COL25A1: variants seen among roughly 807,000 people sequenced by gnomAD.
The protein encoded by COL25A1 is collagen type XXV alpha 1 chain.
Under a neutral mutation model 128.4 loss-of-function variants are expected in COL25A1, and 103 were observed. The observed-to-expected ratio is 0.80, with a 90% CI of 0.68 to 0.94. The LOEUF is 0.94. Ranked by LOEUF, COL25A1 falls within the 40% of genes least tolerant of loss-of-function variation. COL25A1 has a pLI of 0.00. For missense variants in COL25A1, 745 were observed against 840.0 expected (o/e 0.89, Z 1.40); for synonymous variants, 279 against 277.2 (o/e 1.01, Z -0.06).
intron 3 of COL25A1, among the ~76,000 whole-genome samples, chr4:109,148,518 G>A (rs914097870): frequency 7.9e-5 from 12 of 152,142 alleles, no homozygotes; most frequent in African/African-American, 2.2e-4. Flanking sequence ...CTGCTCATCC[G>A]TCACCACGTT....
At chr4:109,029,052 C>A (rs1456710431) in intron 5 of COL25A1, among the ~76,000 whole-genome samples, 1 of 152,080 alleles carries the variant, frequency 6.6e-6, no homozygotes, top group African/African-American at 2.4e-5. Flanking sequence ...GCAACTCTTT[C>A]CAGAGTTTCA....
intron 5 of COL25A1, among the ~76,000 whole-genome samples, chr4:109,033,751 C>G (rs757842640): frequency 3.9e-5 from 6 of 151,910 alleles, no homozygotes; most frequent in Admixed American, 3.3e-4. Context: ...AAAAAAAAAG[C>G]TAATTTATTT....
chr4:109,280,054 T>A (rs911847217), intron 3 of COL25A1, among the ~76,000 whole-genome samples: 20 of 152,220 alleles, frequency 1.3e-4, no homozygotes, highest in African/African-American at 4.8e-4. Context: ...AGGTTTGGCC[T>A]GCACTACCTG....
chr4:109,006,966 C>T (rs373654277), intron 6 of COL25A1, among the ~76,000 whole-genome samples: 1 of 152,126 alleles, frequency 6.6e-6, no homozygotes, highest in Admixed American at 6.6e-5. Context: ...GGGCTTAATA[C>T]CTGGGTGATC....
intron 16 of COL25A1, among the ~76,000 whole-genome samples, chr4:108,891,321 A>G (rs1741469178): frequency 6.6e-6 from 1 of 152,210 alleles, no homozygotes; most frequent in African/African-American, 2.4e-5. Context: ...TTGAAAATTA[A>G]AATGTAACTA....
At chr4:109,073,044 C>T (rs537553403) in intron 3 of COL25A1, among the ~76,000 whole-genome samples, 12 of 152,210 alleles carry the variant, frequency 7.9e-5, no homozygotes, top group South Asian at 2.1e-4. Context: ...TACCATTATT[C>T]CTTCAGTTTC....
intron 3 of COL25A1, among the ~76,000 whole-genome samples, chr4:109,290,457 G>T (rs951335559): frequency 1.3e-5 from 2 of 152,028 alleles, no homozygotes; most frequent in Admixed American, 6.6e-5. Context: ...TTTATGGAAG[G>T]AATTTCTCAA....
rs189046057 is a variant in COL25A1, at chr4:109,288,814, A to C, written c.367+11769T>G. ...CATGGGCCTAGCAGATAAAGTATAT[A>C]AAGTCCAAACTCACAGGAACTGTCT... On this transcript the variant is annotated intron_variant, in intron 3 of 37. Coordinates refer to ENST00000399132, the MANE Select transcript of COL25A1 (RefSeq NM_198721.4). Among the ~76,000 whole-genome samples the C allele has an allele frequency of 2.6e-5, 4 of 152,112 alleles. No individual in the cohort carries two copies. In the South Asian group the frequency reaches 8.3e-4, roughly 31 times the overall value.
chr4:109,213,896 T>C (rs1243146711), intron 3 of COL25A1, among the ~76,000 whole-genome samples: 1 of 152,110 alleles, frequency 6.6e-6, no homozygotes, highest in Non-Finnish European at 1.5e-5. Flanking sequence ...TCAACAGATC[T>C]AAGCTATGAT....
At position 109,081,743 on chromosome 4, in the gene COL25A1, G is replaced by A. The variant is rs567484248; in HGVS notation, c.368-31564C>T. ...TTTTGAGACAGAGTCTCATTCTGTC[G>A]GCCAGGCTGGAATGCAGTGGCACAG... On this transcript the variant is annotated intron_variant, in intron 3 of 37. Coordinates refer to ENST00000399132, the MANE Select transcript of COL25A1 (RefSeq NM_198721.4). 3.3e-5 allele frequency among the ~76,000 whole-genome samples: 5 copies of A among 150,582 alleles called. No individual in the cohort carries two copies. The South Asian group carries it at 6.3e-4, about 19-fold the overall frequency.
chr4:109,153,381 CAAA>C lies in COL25A1; in HGVS notation c.368-103205_368-103203del, dbSNP rs34880736. 3.2e-3 allele frequency among the ~76,000 whole-genome samples: 368 copies of C among 115,938 alleles called. 2 individuals carry two copies. The highest frequency in any genetic ancestry group is 9.3e-3 in the Middle Eastern group (2 of 216). The allele number at this position is 115,938 out of a possible 152,430, so 76.1% of individuals were successfully genotyped here. On this transcript the variant is annotated intron_variant, in intron 3 of 37. Transcript: ENST00000399132. The stretch of plus-strand genomic sequence containing the variant: ...GGGCAACAAGAGTGAAGCTCCATCT[CAAA>C]AAAAAAAAAAAAAAAGTACTCTGTA...
At chr4:108,849,793 G>A (rs911991391) in intron 26 of COL25A1, among the ~76,000 whole-genome samples, 5 of 152,118 alleles carry the variant, frequency 3.3e-5, no homozygotes, top group African/African-American at 1.2e-4. Context: ...AGGCCTGTTT[G>A]GTGATACTAT....
intron 24 of COL25A1, among the ~76,000 whole-genome samples, chr4:108,853,214 T>C (rs1345253370): frequency 6.6e-6 from 1 of 152,186 alleles, no homozygotes; most frequent in Admixed American, 6.5e-5. Flanking sequence ...TAAAGTCATA[T>C]ATGCTAGAGG....
At chr4:108,859,843 T>C (rs922326879) in intron 23 of COL25A1, 110 bp from the exon 24 acceptor site, 10 of 702,756 alleles carry the variant, frequency 1.4e-5, no homozygotes, top group Admixed American at 5.3e-5. Context: ...ATCATTTCCC[T>C]ACTAAGGCCC....
At chr4:108,965,810 A>G (rs1173211920) in intron 8 of COL25A1, among the ~76,000 whole-genome samples, 2 of 152,220 alleles carry the variant, frequency 1.3e-5, no homozygotes, top group African/African-American at 4.8e-5. Flanking sequence ...ACTGATAAAG[A>G]AATGAAGTTC....
At chr4:109,173,704 T>C (rs1191959277) in intron 3 of COL25A1, among the ~76,000 whole-genome samples, 1 of 152,188 alleles carries the variant, frequency 6.6e-6, no homozygotes, top group African/African-American at 2.4e-5. Flanking sequence ...ATAATTATAT[T>C]CAGTTTAAAA....
rs80347015 is a variant in COL25A1, at chr4:109,208,171, A to G, written c.367+92412T>C. ...AAAACATAATTAACAACTCTGAAAT[A>G]AGTCTTGCATTTTATCTACCATGCA... On this transcript the variant is annotated intron_variant, in intron 3 of 37. Transcript: ENST00000399132. Among the ~76,000 whole-genome samples the G allele has an allele frequency of 0.012, 1,754 of 152,324 alleles. 59 individuals are homozygous for G. The South Asian group carries it at 0.14, about 12-fold the overall frequency.
intron 3 of COL25A1, among the ~76,000 whole-genome samples, chr4:109,052,270 T>G (rs1761068248): frequency 6.6e-6 from 1 of 152,150 alleles, no homozygotes. Flanking sequence ...AAAATATAAA[T>G]ATTTCTGAAC....
chr4:108,906,164 AG>A (rs1229131451), intron 13 of COL25A1, among the ~76,000 whole-genome samples: 2 of 152,106 alleles, frequency 1.3e-5, no homozygotes, highest in Admixed American at 1.3e-4. Context: ...CAATGGCCCC[AG>A]CCCCACATGA....
Sources: gnomAD v4.1 joint callset for allele counts (sites outside exome capture counted in the v4.1 genomes callset) on GRCh38, gnomAD v4.1.1 for gene constraint, MANE v1.5 for transcripts, NCBI Gene and HGNC (gene_info 2026-07-23, HGNC 2026-07-21) for gene names.